The following DGKB variants were observed in gnomAD, a reference collection of about 807,000 sequenced individuals.
DGKB encodes diacylglycerol kinase beta.
A neutral mutation model predicts 114.3 loss-of-function variants in DGKB; 67 were observed. The ratio of observed to expected loss-of-function variants is 0.59; its 90% CI spans 0.48 to 0.72. The LOEUF (loss-of-function observed/expected upper bound fraction) is 0.72, where lower values mean the gene tolerates loss of function less well. DGKB is among the 30% of genes least tolerant of loss of function. DGKB has a pLI of 0.00. For synonymous variants in DGKB, 398 were observed against 323.1 expected, an observed-to-expected ratio of 1.23 and a Z score of -2.49; for missense variants, 907 against 975.2, an observed-to-expected ratio of 0.93 and a Z score of 0.93.
chr7:14,411,297 A>G (rs538036436), intron 21 of DGKB, among the ~76,000 whole-genome samples: 1 of 152,266 alleles, frequency 6.6e-6, no homozygotes, highest in East Asian at 1.9e-4. Flanking sequence ...TATTTATTTG[A>G]CATTTTGTTG....
rs180816971 is a variant in DGKB, at chr7:14,800,003, G to A, written c.70+41191C>T. Among the ~76,000 whole-genome samples, 1,416 of 151,760 alleles carry A rather than the reference G, an allele frequency of 9.3e-3. 16 individuals carry two copies. Among genetic ancestry groups the A allele is most frequent in the Non-Finnish European group, 9.9e-3 (675 of 67,942 alleles). ...GCCATCTTGGCTTACTATGACCTACGCCTCCTGGGTTCAAGTGATTCTCCT... is the reference window on the plus strand; with the variant it reads ...GCCATCTTGGCTTACTATGACCTACACCTCCTGGGTTCAAGTGATTCTCCT... On this transcript the variant is annotated intron_variant, in intron 2 of 25. Coordinates refer to ENST00000402815, the MANE Select transcript of DGKB (RefSeq NM_001350709.2).
intron 1 of DGKB, among the ~76,000 whole-genome samples, chr7:14,913,659 A>ATGACACGGAAG (rs1336099775): frequency 6.6e-6 from 1 of 151,882 alleles, no homozygotes; most frequent in Non-Finnish European, 1.5e-5. Context: ...TGGGAAGAAA[A>ATGACACGGAAG]TGACACGGAA....
intron 17 of DGKB, among the ~76,000 whole-genome samples, chr7:14,606,469 T>C (rs1222040984): frequency 6.6e-6 from 1 of 152,096 alleles, no homozygotes; most frequent in Non-Finnish European, 1.5e-5. Flanking sequence ...ACTTTATGAA[T>C]GTATTTTTTG....
chr7:14,919,446 G>C (rs1348916925), intron 1 of DGKB, among the ~76,000 whole-genome samples: 1 of 152,144 alleles, frequency 6.6e-6, no homozygotes, highest in Non-Finnish European at 1.5e-5. Flanking sequence ...CATACATGTA[G>C]AAACCTATAC....
intron 20 of DGKB, among the ~76,000 whole-genome samples, chr7:14,520,686 C>T (rs1243493313): frequency 2.0e-5 from 3 of 151,806 alleles, no homozygotes; most frequent in Non-Finnish European, 2.9e-5. Context: ...CAGAGCAACA[C>T]CTAGTATGAT....
intron 2 of DGKB, among the ~76,000 whole-genome samples, chr7:14,773,129 T>G (rs1036060425): frequency 1.3e-5 from 2 of 152,206 alleles, no homozygotes; most frequent in African/African-American, 2.4e-5. Flanking sequence ...CAAGACAGCA[T>G]CATTGTATAT....
At chr7:14,506,811 G>C (rs1563350147) in intron 20 of DGKB, among the ~76,000 whole-genome samples, 1 of 152,160 alleles carries the variant, frequency 6.6e-6, no homozygotes, top group South Asian at 2.1e-4. Context: ...GGTACTCCTT[G>C]ATACCCTGTA....
intron 23 of DGKB, among the ~76,000 whole-genome samples, chr7:14,241,436 C>T (rs1793624375): frequency 6.7e-6 from 1 of 150,018 alleles, no homozygotes; most frequent in South Asian, 2.2e-4. Flanking sequence ...TGTTATGTTC[C>T]TAAACCCAAG....
chr7:14,236,039 A>G (rs1266385992), intron 23 of DGKB, among the ~76,000 whole-genome samples: 1 of 152,058 alleles, frequency 6.6e-6, no homozygotes, highest in Non-Finnish European at 1.5e-5. Context: ...ATAAGAAATA[A>G]GCTGGTTCAC....
At chr7:14,219,485 GT>G (rs1789563383) in intron 23 of DGKB, among the ~76,000 whole-genome samples, 1 of 151,696 alleles carries the variant, frequency 6.6e-6, no homozygotes, top group Non-Finnish European at 1.5e-5. Context: ...TTTCTTTAGG[GT>G]TTTGATTTGC....
At chr7:14,685,215 A>T in intron 10 of DGKB, 30 bp downstream of exon 10, 1 of 1,434,590 alleles carries the variant, frequency 7.0e-7, no homozygotes. Flanking sequence ...ACTTGAGGAG[A>T]TGATGTCCAG....
rs144657798 is a variant in DGKB, at chr7:14,921,956, T to C, written c.-188+52740A>G. ...CACTGTGTTCTGATTAGGAGGTATG[T>C]TGCAAACTATTTGTTACTTATCATT... On this transcript the variant is annotated intron_variant, in intron 1 of 4. Coordinates refer to the DGKB transcript ENST00000437998. Among the ~76,000 whole-genome samples, 912 of 152,324 alleles carry C rather than the reference T, an allele frequency of 6.0e-3. 4 individuals are homozygous for C. The highest frequency in any genetic ancestry group is 0.01 in the Non-Finnish European group (681 of 68,008).
chr7:14,175,951 C>G (rs140650662), intron 25 of DGKB: 4 of 151,922 alleles, frequency 2.6e-5, no homozygotes, highest in Admixed American at 6.6e-5. Flanking sequence ...ACTACAGGTG[C>G]GTGTCACCAA....
chr7:14,220,120 G>C (rs368932614), intron 23 of DGKB, among the ~76,000 whole-genome samples: 1 of 151,594 alleles, frequency 6.6e-6, no homozygotes, highest in Admixed American at 6.6e-5. Context: ...AAACTGTACA[G>C]CATGTTTACT....
In DGKB at chr7:14,628,692, A is replaced by G. The variant is rs192852290; in HGVS notation, c.1167+1544T>C. 8.5e-4 allele frequency among the ~76,000 whole-genome samples: 130 copies of G among 152,254 alleles called. 1 individual carries two copies. Among genetic ancestry groups the G allele is most frequent in the African/African-American group, 3.0e-3 (124 of 41,558 alleles). On this transcript the variant is annotated intron_variant, in intron 14 of 25. Coordinates refer to ENST00000402815, the MANE Select transcript of DGKB (RefSeq NM_001350709.2). Reference sequence around the variant, plus strand: ...GTTAACCAAGGAGCAACTGTTCCTGATGGCAGAACATAAGGTTTCTTGTCT... The same window carrying G: ...GTTAACCAAGGAGCAACTGTTCCTGGTGGCAGAACATAAGGTTTCTTGTCT...
chr7:14,572,578 G>T (rs1798562134), intron 20 of DGKB, among the ~76,000 whole-genome samples: 1 of 151,940 alleles, frequency 6.6e-6, no homozygotes, highest in Admixed American at 6.6e-5. Flanking sequence ...GAGTTAAAAA[G>T]TCTGGTAACC....
chr7:14,689,199 ATTTTTTTTT>A (rs551618345), intron 9 of DGKB, among the ~76,000 whole-genome samples: 5 of 76,572 alleles, frequency 6.5e-5, no homozygotes, highest in Admixed American at 3.8e-4. Context: ...AACTCCTCTT[ATTTTTTTTT>A]TTTTTTTTTT....
intron 21 of DGKB, among the ~76,000 whole-genome samples, chr7:14,402,942 G>C (rs1432348125): frequency 6.6e-6 from 1 of 151,848 alleles, no homozygotes; most frequent in Non-Finnish European, 1.5e-5. Flanking sequence ...AATTCTTAGA[G>C]GAATTTCTAG....
chr7:14,444,753 T>C (rs1188054797), intron 21 of DGKB, among the ~76,000 whole-genome samples: 2 of 151,894 alleles, frequency 1.3e-5, no homozygotes, highest in Non-Finnish European at 3.0e-5. Flanking sequence ...GCTTTTAGCA[T>C]ATTGCCTATT....
Sources: gnomAD v4.1 joint callset for allele counts (sites outside exome capture counted in the v4.1 genomes callset) on GRCh38, gnomAD v4.1.1 for gene constraint, MANE v1.5 for transcripts, NCBI Gene and HGNC (gene_info 2026-07-23, HGNC 2026-07-21) for gene names.